The following USP12 variants were observed in gnomAD, a reference collection of about 807,000 sequenced individuals.
The protein encoded by USP12 is ubiquitin carboxyl-terminal hydrolase 12.
USP12 carries 19 observed loss-of-function variants against 45.5 expected under a neutral mutation model. The observed-to-expected ratio is 0.42, with a 90% CI of 0.29 to 0.61. USP12 has a LOEUF of 0.61. Among genes scored for constraint, USP12 ranks in the 20% least tolerant of loss-of-function variants. The pLI is 0.22. For synonymous variants in USP12, 149 were observed against 148.8 expected, an observed-to-expected ratio of 1.00 and a Z score of -0.01; for missense variants, 242 against 447.7, an observed-to-expected ratio of 0.54 and a Z score of 4.15.
At chr13:27,110,127 TAA>T (rs1555234986) in intron 2 of USP12, among the ~76,000 whole-genome samples, 14 of 119,628 alleles carry the variant, frequency 1.2e-4, no homozygotes, top group African/African-American at 3.2e-4. Context: ...CTTTTCCAGG[TAA>T]AAAAAAAAAA....
At chr13:27,139,709 T>A (rs1876971769) in intron 1 of USP12, among the ~76,000 whole-genome samples, 1 of 152,180 alleles carries the variant, frequency 6.6e-6, no homozygotes, top group South Asian at 2.1e-4. Flanking sequence ...CACCCTAAAT[T>A]CTTTCATGTA....
At chr13:27,141,901 A>G (rs1342256728) in intron 1 of USP12, among the ~76,000 whole-genome samples, 1 of 152,146 alleles carries the variant, frequency 6.6e-6, no homozygotes, top group South Asian at 2.1e-4. Context: ...ACACTGAAAG[A>G]GGCTGGGCGT....
At chr13:27,107,948 G>C (rs1875224264) in intron 2 of USP12, among the ~76,000 whole-genome samples, 1 of 151,992 alleles carries the variant, frequency 6.6e-6, no homozygotes. Context: ...CTGTAAACTA[G>C]TTCAACCATT....
chr13:27,141,901 A>C (rs1342256728), intron 1 of USP12, among the ~76,000 whole-genome samples: 1 of 152,146 alleles, frequency 6.6e-6, no homozygotes, highest in Non-Finnish European at 1.5e-5. Context: ...ACACTGAAAG[A>C]GGCTGGGCGT....
At chr13:27,155,168 G>A (rs1043510955) in intron 1 of USP12, among the ~76,000 whole-genome samples, 2 of 127,462 alleles carry the variant, frequency 1.6e-5, no homozygotes, top group African/African-American at 6.0e-5. Flanking sequence ...TGCAACCTCC[G>A]CCTCCAAGGT....
At chr13:27,114,442 C>A (rs1309109043) in intron 2 of USP12, among the ~76,000 whole-genome samples, 1 of 152,166 alleles carries the variant, frequency 6.6e-6, no homozygotes, top group African/African-American at 2.4e-5. Flanking sequence ...CAAAAGAAAG[C>A]TTCCAAAGGC....
chr13:27,163,582 A>C (rs1487224261), intron 1 of USP12, among the ~76,000 whole-genome samples: 1 of 151,878 alleles, frequency 6.6e-6, no homozygotes, highest in Non-Finnish European at 1.5e-5. Context: ...ACAATACTGT[A>C]AGTAGAGCTG....
chr13:27,166,804 T>C (rs17085263), intron 1 of USP12, among the ~76,000 whole-genome samples: 4,359 of 152,216 alleles, frequency 0.029, 209 homozygotes, highest in African/African-American at 0.1. Context: ...GCTAACTATA[T>C]CACTTTACCC....
rs1038939484 is a variant in USP12 at position 27,066,339 on chromosome 13, G to C, written c.*2944C>G. ...AGAGAGGTTAAGTGACTTGCCCAAG[G>C]TCACACAGTTAAATTCACTGAAGAG... On this transcript the variant is annotated 3_prime_UTR_variant, in exon 9 of 9. Transcript: ENST00000282344. 6.6e-6 allele frequency: 1 copy of C among 152,346 alleles called. No individual in the cohort carries two copies. The highest frequency in any genetic ancestry group is 2.4e-5 in the African/African-American group (1 of 41,438). The allele number at this position is 152,346 out of a possible 1,614,324, so 9.4% of individuals were successfully genotyped here.
chr13:27,105,634 A>C (rs1875097329), intron 3 of USP12, 97 bp downstream of exon 3: 1 of 1,165,446 alleles, frequency 8.6e-7, no homozygotes, highest in African/African-American at 1.5e-5. Context: ...CTAACATGTT[A>C]TCAGGCATAC....
intron 6 of USP12, among the ~76,000 whole-genome samples, chr13:27,080,844 G>A (rs1593173350): frequency 6.6e-6 from 1 of 151,972 alleles, no homozygotes; most frequent in Non-Finnish European, 1.5e-5. Flanking sequence ...CATTATGTCT[G>A]AAAAAAGTCC....
intron 1 of USP12, among the ~76,000 whole-genome samples, chr13:27,148,866 G>A (rs1462239121): frequency 2.8e-5 from 4 of 145,304 alleles, no homozygotes; most frequent in Admixed American, 2.8e-4. Context: ...ACATAGAAAA[G>A]AATTCCTCTC....
At chr13:27,078,555 A>G (rs951223719) in intron 6 of USP12, among the ~76,000 whole-genome samples, 1 of 151,952 alleles carries the variant, frequency 6.6e-6, no homozygotes, top group Non-Finnish European at 1.5e-5. Context: ...TATTCAAAAA[A>G]GAAAGAAGGA....
At chr13:27,167,126 G>A (rs1297465807) in intron 1 of USP12, among the ~76,000 whole-genome samples, 4 of 152,118 alleles carry the variant, frequency 2.6e-5, no homozygotes, top group African/African-American at 7.2e-5. Context: ...GCTGGGCGTG[G>A]TGGCACATGC....
intron 1 of USP12, among the ~76,000 whole-genome samples, chr13:27,164,644 C>T (rs1181779662): frequency 6.6e-6 from 1 of 152,206 alleles, no homozygotes; most frequent in Non-Finnish European, 1.5e-5. Flanking sequence ...AAAGCAAATT[C>T]TGCACATAAG....
At chr13:27,156,481 A>G (rs1291599523) in intron 1 of USP12, among the ~76,000 whole-genome samples, 14 of 152,248 alleles carry the variant, frequency 9.2e-5, no homozygotes, top group Admixed American at 9.2e-4. Context: ...CATTTGAGAC[A>G]ATCAGGTAAT....
intron 1 of USP12, among the ~76,000 whole-genome samples, chr13:27,126,344 G>C (rs558368895): frequency 1.3e-5 from 2 of 152,316 alleles, no homozygotes; most frequent in East Asian, 3.9e-4. Context: ...ACAGGGTCTG[G>C]AGTGGACCTC....
chr13:27,105,123 G>C (rs1875068136), intron 3 of USP12, among the ~76,000 whole-genome samples: 2 of 152,082 alleles, frequency 1.3e-5, no homozygotes, highest in African/African-American at 4.8e-5. Context: ...CCAACTTATT[G>C]GCATGTGAAA....
At chr13:27,170,132 C>T (rs1284049285) in intron 1 of USP12, 2 of 394,282 alleles carry the variant, frequency 5.1e-6, no homozygotes, top group Non-Finnish European at 8.9e-6. Flanking sequence ...AATACAAATG[C>T]TTTCCTAAAA....
Sources: gnomAD v4.1 joint callset for allele counts (sites outside exome capture counted in the v4.1 genomes callset) on GRCh38, gnomAD v4.1.1 for gene constraint, MANE v1.5 for transcripts, NCBI Gene and HGNC (gene_info 2026-07-23, HGNC 2026-07-21) for gene names.